MSN: variants seen among roughly 807,000 people sequenced by gnomAD.
The protein encoded by MSN is moesin.
Under a neutral mutation model 48.0 loss-of-function variants are expected in MSN, and 2 were observed. The ratio of observed to expected loss-of-function variants is 0.04; its 90% CI spans 0.02 to 0.13. The LOEUF is 0.13. Ranked by LOEUF, MSN falls within the 10% of genes least tolerant of loss-of-function variation. MSN has a pLI of 1.00. For synonymous variants in MSN, 146 were observed against 166.9 expected, an observed-to-expected ratio of 0.87 and a Z score of 0.97; for missense variants, 267 against 470.1, an observed-to-expected ratio of 0.57 and a Z score of 3.99.
intron 7 of MSN, 69 bp downstream of exon 7, chrX:65,733,349 T>A: frequency 1.2e-6 from 1 of 843,032 alleles, no homozygotes; most frequent in Non-Finnish European, 1.8e-6. Context: ...ATCATGCTAT[T>A]CTATTTTTCT....
chrX:65,692,011 G>T (rs2071177732), intron 1 of MSN, among the ~76,000 whole-genome samples: 1 of 112,165 alleles, frequency 8.9e-6, no homozygotes, highest in African/African-American at 3.2e-5. Flanking sequence ...CTCTGTGGTG[G>T]CCTTCTTTCA....
At chrX:65,728,828 C>T (rs7061281) in intron 3 of MSN, among the ~76,000 whole-genome samples, 19,250 of 110,835 alleles carry the variant, frequency 0.17, 4,149 homozygotes, top group African/African-American at 0.6. Flanking sequence ...CTTCCATCTT[C>T]GTATCCTCAA....
At chrX:65,729,153 G>C (rs972010872) in intron 3 of MSN, among the ~76,000 whole-genome samples, 1 of 111,771 alleles carries the variant, frequency 8.9e-6, no homozygotes, top group Middle Eastern at 4.6e-3. Context: ...CAGAATTTGG[G>C]GATAGTTGGA....
intron 1 of MSN, among the ~76,000 whole-genome samples, chrX:65,655,829 T>C (rs746305083): frequency 1.8e-5 from 2 of 112,430 alleles, no homozygotes; most frequent in South Asian, 7.4e-4. Context: ...TGCAGTGGCG[T>C]GACCTTGGCT....
intron 1 of MSN, among the ~76,000 whole-genome samples, chrX:65,683,948 T>C (rs1482504200): frequency 9.7e-6 from 1 of 103,535 alleles, no homozygotes; most frequent in Non-Finnish European, 2.0e-5. Context: ...TTTTCTTTTT[T>C]TTTTTTTTTT....
At chrX:65,650,199 C>T (rs2070731952) in intron 1 of MSN, among the ~76,000 whole-genome samples, 1 of 107,793 alleles carries the variant, frequency 9.3e-6, no homozygotes, top group Non-Finnish European at 1.9e-5. Context: ...GCGATTCTTG[C>T]ACCTCAGCCT....
At chrX:65,632,627 G>A (rs1006517009) in intron 1 of MSN, among the ~76,000 whole-genome samples, 1 of 111,642 alleles carries the variant, frequency 9.0e-6, no homozygotes, top group Non-Finnish European at 1.9e-5. Flanking sequence ...TGGTGTTGTC[G>A]CTGTTTTTTT....
intron 1 of MSN, among the ~76,000 whole-genome samples, chrX:65,589,941 A>G (rs1188175766): frequency 1.9e-5 from 2 of 107,987 alleles, no homozygotes; most frequent in South Asian, 4.1e-4. Flanking sequence ...TCTCGACTCA[A>G]TGCAACCTCT....
At chrX:65,678,955 C>T (rs773735973) in intron 1 of MSN, among the ~76,000 whole-genome samples, 1 of 111,717 alleles carries the variant, frequency 9.0e-6, no homozygotes, top group Non-Finnish European at 1.9e-5. Context: ...GGTGACTTTT[C>T]GGAGAAGCTT....
At position 65,649,105 on chromosome X, in the gene MSN, C is replaced by T. The variant is rs185857318; in HGVS notation, c.-22+60493C>T. Among the ~76,000 whole-genome samples, 98 of 107,650 alleles carry T rather than the reference C, an allele frequency of 9.1e-4. 1 individual carries two copies. The highest frequency in any genetic ancestry group is 3.1e-3 in the African/African-American group (93 of 30,044). The allele number at this position is 107,650 out of a possible 115,157, so 93.5% of individuals were successfully genotyped here. On this transcript the variant is annotated intron_variant, in intron 1 of 3. Transcript: ENST00000609672. Reference sequence around the variant, plus strand: ...TTTTACTGGGAGGAAAAATGGTTGCCGAAAGGCAGAGTGTATTACTTCAGC... The same window carrying T: ...TTTTACTGGGAGGAAAAATGGTTGCTGAAAGGCAGAGTGTATTACTTCAGC...
At chrX:65,707,360 T>C (rs1346794150) in intron 1 of MSN, among the ~76,000 whole-genome samples, 1 of 111,177 alleles carries the variant, frequency 9.0e-6, no homozygotes, top group Non-Finnish European at 1.9e-5. Context: ...GGGCAACAGG[T>C]GGGAGGGCCA....
At chrX:65,619,113 C>T (rs1327455176) in intron 1 of MSN, among the ~76,000 whole-genome samples, 2,745 of 99,536 alleles carry the variant, frequency 0.028, 43 homozygotes, top group Non-Finnish European at 0.037. Context: ...GAGGGTAACC[C>T]GACCTTTCTC....
chrX:65,652,534 G>A (rs149037377), intron 1 of MSN, among the ~76,000 whole-genome samples: 74 of 111,635 alleles, frequency 6.6e-4, no homozygotes, highest in South Asian at 3.8e-3. Flanking sequence ...AGCCATGGTA[G>A]GTACTTGATC....
chrX:65,723,309 C>A (rs2071535668), intron 2 of MSN, among the ~76,000 whole-genome samples: 1 of 111,469 alleles, frequency 9.0e-6, no homozygotes. Context: ...ATAATTAAAC[C>A]TGAGGCTTCA....
intron 1 of MSN, among the ~76,000 whole-genome samples, chrX:65,656,754 G>A (rs939873293): frequency 1.8e-5 from 2 of 111,439 alleles, no homozygotes; most frequent in African/African-American, 6.5e-5. Context: ...AAGACCAAGG[G>A]AGGGCTTTGT....
intron 2 of MSN, among the ~76,000 whole-genome samples, chrX:65,725,338 C>G (rs749143138): frequency 1.8e-5 from 2 of 111,894 alleles, no homozygotes; most frequent in African/African-American, 6.5e-5. Context: ...TGTTCTCCCC[C>G]CATGACCTAA....
chrX:65,649,588 A>AT (rs1556357085), intron 1 of MSN, among the ~76,000 whole-genome samples: 1,034 of 93,718 alleles, frequency 0.011, 14 homozygotes, highest in East Asian at 0.059. Flanking sequence ...AAAAAAAAAA[A>AT]ATATATATAT....
intron 1 of MSN, among the ~76,000 whole-genome samples, chrX:65,680,255 A>G (rs2071041161): frequency 8.9e-6 from 1 of 112,202 alleles, no homozygotes. Context: ...CATCATTTTA[A>G]CATGGCAATA....
At chrX:65,654,386 G>T (rs1316228870) in intron 1 of MSN, among the ~76,000 whole-genome samples, 1 of 109,985 alleles carries the variant, frequency 9.1e-6, no homozygotes, top group Non-Finnish European at 1.9e-5. Flanking sequence ...CTCCCAAAGT[G>T]CTGGGATTAC....
Sources: gnomAD v4.1 joint callset for allele counts (sites outside exome capture counted in the v4.1 genomes callset) on GRCh38, gnomAD v4.1.1 for gene constraint, MANE v1.5 for transcripts, NCBI Gene and HGNC (gene_info 2026-07-23, HGNC 2026-07-21) for gene names.